The following AGAP1 variants were observed in gnomAD, a reference collection of about 807,000 sequenced individuals.
The protein encoded by AGAP1 is ArfGAP with GTPase domain, ankyrin repeat and PH domain 1.
In AGAP1, 29 loss-of-function variants were observed where a neutral mutation model predicts 105.3. The observed-to-expected ratio is 0.28, with a 90% CI of 0.21 to 0.38. The LOEUF (loss-of-function observed/expected upper bound fraction) is 0.38, where lower values mean the gene tolerates loss of function less well. Ranked by LOEUF, AGAP1 falls within the 10% of genes least tolerant of loss-of-function variation. The pLI, the probability that AGAP1 is intolerant of heterozygous loss-of-function variation, is 1.00. For missense variants in AGAP1, 998 were observed against 1,165.1 expected (o/e 0.86, Z 2.09); for synonymous variants, 509 against 485.9 (o/e 1.05, Z -0.63).
intron 1 of AGAP1, among the ~76,000 whole-genome samples, chr2:235,675,788 G>A (rs1239027884): frequency 6.6e-6 from 1 of 152,142 alleles, no homozygotes; most frequent in Non-Finnish European, 1.5e-5. Flanking sequence ...GTGTCCTGCT[G>A]TTTATTTCCT....
chr2:236,007,171 T>C (rs1367999197), intron 13 of AGAP1, among the ~76,000 whole-genome samples: 1 of 152,266 alleles, frequency 6.6e-6, no homozygotes, highest in Non-Finnish European at 1.5e-5. Context: ...AATGCTTGAT[T>C]GACTGAATAA....
rs1161346822 is a variant in AGAP1 at position 235,951,905 on chromosome 2, A to G, written c.1484-16557A>G. 6.6e-6 allele frequency among the ~76,000 whole-genome samples: 1 copy of G among 151,918 alleles called. No individual in the cohort carries two copies. The highest frequency in any genetic ancestry group is 1.5e-5 in the Non-Finnish European group (1 of 68,024). On this transcript the variant is annotated intron_variant, in intron 12 of 17. Coordinates refer to ENST00000304032, the MANE Select transcript of AGAP1 (RefSeq NM_001037131.3). This position sits in a 1 kb window ranked among gnomAD's most constrained non-coding sequence, Gnocchi z 4.2. ...TAGCTACAGATTTTTGGTGGAAACA[A>G]ATGGTCCACCCTGATCTACTCATTT...
intron 16 of AGAP1, among the ~76,000 whole-genome samples, chr2:236,071,585 G>A (rs561794338): frequency 4.1e-4 from 62 of 152,368 alleles, no homozygotes; most frequent in African/African-American, 1.4e-3. Flanking sequence ...AAACAGTTCA[G>A]CCAGTGTTTG....
intron 6 of AGAP1, among the ~76,000 whole-genome samples, chr2:235,771,890 A>G (rs1160917990): frequency 6.6e-6 from 1 of 152,060 alleles, no homozygotes; most frequent in African/African-American, 2.4e-5. Context: ...GAGGCCTGTG[A>G]CAAAAAATTC....
chr2:235,744,615 T>C lies in AGAP1; in HGVS notation c.397-83T>C, dbSNP rs1033434205. ...CGAGGGGATTCCTGCAGCCCCCTGCTGCCTGCCGCCATGCAGACATCTCTG... is the reference window on the plus strand; with the variant it reads ...CGAGGGGATTCCTGCAGCCCCCTGCCGCCTGCCGCCATGCAGACATCTCTG... On this transcript the variant is annotated intron_variant, in intron 4 of 17. Transcript: ENST00000304032. The surrounding 1 kb of genome is among the most constrained non-coding windows in gnomAD (Gnocchi z 5.2). 6.4e-7 allele frequency: 1 copy of C among 1,555,332 alleles called. No homozygotes were observed. Among genetic ancestry groups the C allele is most frequent in the Non-Finnish European group, 8.8e-7 (1 of 1,135,116 alleles).
At chr2:235,675,597 A>G (rs150533543) in intron 1 of AGAP1, among the ~76,000 whole-genome samples, 1 of 152,368 alleles carries the variant, frequency 6.6e-6, no homozygotes, top group Non-Finnish European at 1.5e-5. Context: ...GTTACAATTG[A>G]ACATTCCTAG....
Position 235,750,674 on chromosome 2 carries a change from G to A in AGAP1, c.673+186G>A, listed in dbSNP as rs1475865940. On this transcript the variant is annotated intron_variant, in intron 6 of 17. Coordinates refer to ENST00000304032, the MANE Select transcript of AGAP1 (RefSeq NM_001037131.3). This position sits in a 1 kb window ranked among gnomAD's most constrained non-coding sequence, Gnocchi z 5.3. ...GTATGTTTCATATAAACAGTGCTGT[G>A]TTCAGAAGAGACAACAAGGCATGGC... 1.3e-5 allele frequency among the ~76,000 whole-genome samples: 2 copies of A among 152,164 alleles called. No individual in the cohort carries two copies. The highest frequency in any genetic ancestry group is 4.8e-5 in the African/African-American group (2 of 41,424).
Position 235,620,674 on chromosome 2 carries a change from A to G in AGAP1, c.164-88505A>G, listed in dbSNP as rs1946448312. ...TCCCCATAAACCCCAGCTCCCTGAC[A>G]TGTCTGGTGTCTCTCTCTCCCCACT... On this transcript the variant is annotated intron_variant, in intron 1 of 17. Transcript: ENST00000304032. This position sits in a 1 kb window ranked among gnomAD's most constrained non-coding sequence, Gnocchi z 4.5. Among the ~76,000 whole-genome samples the G allele has an allele frequency of 1.3e-5, 2 of 151,830 alleles. No homozygotes were observed. The highest frequency in any genetic ancestry group is 4.2e-4 in the South Asian group (2 of 4,794).
At position 235,663,823 on chromosome 2, in the gene AGAP1, A is replaced by C. The variant is rs942429546; in HGVS notation, c.164-45356A>C. On this transcript the variant is annotated intron_variant, in intron 1 of 17. Transcript: ENST00000304032. The surrounding 1 kb of genome is among the most constrained non-coding windows in gnomAD (Gnocchi z 5.4). ...CATGAAGACCATCGTACAGATGGCG[A>C]TATTAGAAGAGTTCCCTCCCGTGAA... Among the ~76,000 whole-genome samples the C allele has an allele frequency of 1.3e-5, 2 of 152,160 alleles. No homozygotes were observed. Among genetic ancestry groups the C allele is most frequent in the Non-Finnish European group, 2.9e-5 (2 of 68,036 alleles).
Position 236,101,153 on chromosome 2 carries a change from C to T in AGAP1, c.2115-19039C>T, listed in dbSNP as rs141927313. ...AATGTGTTTCCCTTTGGTTATTCCCCACTCCCATGCCTGTCCTCTCTTAAA... is the reference window on the plus strand; with the variant it reads ...AATGTGTTTCCCTTTGGTTATTCCCTACTCCCATGCCTGTCCTCTCTTAAA... On this transcript the variant is annotated intron_variant, in intron 16 of 17. Coordinates refer to ENST00000304032, the MANE Select transcript of AGAP1 (RefSeq NM_001037131.3). This position sits in a 1 kb window ranked among gnomAD's most constrained non-coding sequence, Gnocchi z 4.9. Among the ~76,000 whole-genome samples, 1 of 152,170 alleles carries T rather than the reference C, an allele frequency of 6.6e-6. No homozygotes were observed. The highest frequency in any genetic ancestry group is 2.4e-5 in the African/African-American group (1 of 41,524).
rs368478942 is a variant in AGAP1, at chr2:235,843,109, G to A, written c.1050+35778G>A. On this transcript the variant is annotated intron_variant, in intron 9 of 17. Transcript: ENST00000304032. This position sits in a 1 kb window ranked among gnomAD's most constrained non-coding sequence, Gnocchi z 5.9. ...TCATTGTCCTGTTGCCACCCTTGTC[G>A]GTTTTTCACCCTGCAGCCCTTTGAG... Among the ~76,000 whole-genome samples the A allele has an allele frequency of 7.2e-4, 109 of 152,268 alleles. No individual in the cohort carries two copies. Among genetic ancestry groups the A allele is most frequent in the African/African-American group, 1.3e-3 (54 of 41,550 alleles).
In AGAP1 at chr2:236,073,082, G is replaced by A. The variant is rs889087736; in HGVS notation, c.2114+23801G>A. 1.3e-5 allele frequency among the ~76,000 whole-genome samples: 2 copies of A among 151,196 alleles called. No individual in the cohort carries two copies. Among genetic ancestry groups the A allele is most frequent in the Non-Finnish European group, 2.9e-5 (2 of 67,910 alleles). On this transcript the variant is annotated intron_variant, in intron 16 of 17. Transcript: ENST00000304032. The surrounding 1 kb of genome is among the most constrained non-coding windows in gnomAD (Gnocchi z 5.4). ...GCAATCTCAGCTCACTGCAACTTCC[G>A]CCTCCCAGATTCGAGCGATTCTCCT... is the stretch of plus-strand genomic sequence containing the variant.
intron 9 of AGAP1, among the ~76,000 whole-genome samples, chr2:235,854,688 T>A (rs897167826): frequency 6.6e-6 from 1 of 152,208 alleles, no homozygotes; most frequent in Non-Finnish European, 1.5e-5. Flanking sequence ...CTTGACTTGC[T>A]TTATCTGTTA....
rs1944897966 is a variant in AGAP1, at chr2:235,580,565, A to C, written c.163+85716A>C. 2.0e-5 allele frequency among the ~76,000 whole-genome samples: 3 copies of C among 152,158 alleles called. No homozygotes were observed. The South Asian group carries it at 6.2e-4, about 32-fold the overall frequency. On this transcript the variant is annotated intron_variant, in intron 1 of 17. Coordinates refer to ENST00000304032, the MANE Select transcript of AGAP1 (RefSeq NM_001037131.3). ...GTGCTTCTCTCTTAGAATAAATGAC[A>C]TTAACATATGAAAAAACAGCTACTT...
intron 1 of AGAP1, among the ~76,000 whole-genome samples, chr2:235,579,918 T>C (rs1379883876): frequency 6.6e-6 from 1 of 152,172 alleles, no homozygotes; most frequent in African/African-American, 2.4e-5. Context: ...TTTCCCCCTC[T>C]CCCTAGCACC....
At chr2:235,869,463 T>G (rs1346756488) in intron 9 of AGAP1, among the ~76,000 whole-genome samples, 4 of 134,008 alleles carry the variant, frequency 3.0e-5, no homozygotes, top group Non-Finnish European at 4.7e-5. Context: ...TAGCCGGGCG[T>G]GACGGCAGGT....
intron 1 of AGAP1, among the ~76,000 whole-genome samples, chr2:235,536,641 A>G (rs1306680694): frequency 4.5e-5 from 6 of 133,056 alleles, no homozygotes; most frequent in African/African-American, 1.6e-4. Context: ...ACACACACAC[A>G]CACACACACA....
chr2:236,074,443 A>G (rs919208150), intron 16 of AGAP1, among the ~76,000 whole-genome samples: 1 of 152,176 alleles, frequency 6.6e-6, no homozygotes, highest in African/African-American at 2.4e-5. Flanking sequence ...AGCAGTTTTT[A>G]TCTGGCATGG....
intron 6 of AGAP1, chr2:235,783,224 T>C: frequency 2.6e-6 from 1 of 379,282 alleles, no homozygotes; most frequent in Admixed American, 3.7e-5. Context: ...TAAGGTAGTT[T>C]ATAGCAAGAT....
Sources: allele counts gnomAD v4.1 joint callset (sites outside exome capture counted in the v4.1 genomes callset), GRCh38; gene constraint gnomAD v4.1.1; non-coding constraint Gnocchi (gnomAD v3.1); transcripts MANE v1.5; gene names NCBI Gene and HGNC (gene_info 2026-07-23, HGNC 2026-07-21).